The following CSGALNACT1 variants were observed in gnomAD, a reference collection of about 807,000 sequenced individuals.
CSGALNACT1 encodes the protein chondroitin sulfate N-acetylgalactosaminyltransferase 1.
CSGALNACT1 carries 52 observed loss-of-function variants against 51.0 expected under a neutral mutation model. The observed-to-expected ratio is 1.02, with a 90% CI of 0.82 to 1.29. The LOEUF (loss-of-function observed/expected upper bound fraction) is 1.29, where lower values mean the gene tolerates loss of function less well. Among genes scored for constraint, CSGALNACT1 ranks in the 50% most tolerant of loss-of-function variants. The pLI, the probability that CSGALNACT1 is intolerant of heterozygous loss-of-function variation, is 0.00. For synonymous variants in CSGALNACT1, 341 were observed against 254.4 expected, an observed-to-expected ratio of 1.34 and a Z score of -3.24; for missense variants, 935 against 679.2, an observed-to-expected ratio of 1.38 and a Z score of -4.19.
chr8:19,557,867 C>G (rs1037249646), intron 3 of CSGALNACT1, among the ~76,000 whole-genome samples: 3 of 152,208 alleles, frequency 2.0e-5, no homozygotes, highest in Non-Finnish European at 4.4e-5. Context: ...TCAGTACATA[C>G]AACAGTATCT....
At chr8:19,590,676 G>A (rs562541982) in intron 3 of CSGALNACT1, among the ~76,000 whole-genome samples, 367 of 110,408 alleles carry the variant, frequency 3.3e-3, no homozygotes, top group African/African-American at 0.013. Context: ...TGGAGATGGA[G>A]TCTCGCTCTG....
chr8:19,714,805 G>A (rs2062711497), intron 1 of CSGALNACT1, among the ~76,000 whole-genome samples: 1 of 151,594 alleles, frequency 6.6e-6, no homozygotes, highest in African/African-American at 2.4e-5. Context: ...TACGTCTGCA[G>A]GTTTGTTATA....
At chr8:19,582,787 G>A (rs2154123600) in intron 3 of CSGALNACT1, among the ~76,000 whole-genome samples, 1 of 152,254 alleles carries the variant, frequency 6.6e-6, no homozygotes, top group South Asian at 2.1e-4. Context: ...CTAGAAATCA[G>A]TAGCCCCTGT....
intron 1 of CSGALNACT1, among the ~76,000 whole-genome samples, chr8:19,700,385 C>G (rs2061799628): frequency 6.6e-6 from 1 of 151,942 alleles, no homozygotes; most frequent in South Asian, 2.1e-4. Context: ...TAAACCTGGC[C>G]CAGTGATCTT....
rs1391409625 is a variant in CSGALNACT1, at chr8:19,460,887, G to A, written c.635-2245C>T. Among the ~76,000 whole-genome samples, 4 of 152,078 alleles carry A rather than the reference G, an allele frequency of 2.6e-5. No individual in the cohort carries two copies. The East Asian group carries it at 5.8e-4, about 22-fold the overall frequency. ...GCCTCTTTGATCCTGTTCAAAGATTGGATTTCTTTGAGGTGCCACAGAGAG... is the reference window on the plus strand; with the variant it reads ...GCCTCTTTGATCCTGTTCAAAGATTAGATTTCTTTGAGGTGCCACAGAGAG... On this transcript the variant is annotated intron_variant, in intron 4 of 9. Transcript: ENST00000454498.
chr8:19,517,968 T>C (rs2079891572), intron 3 of CSGALNACT1, among the ~76,000 whole-genome samples: 1 of 152,132 alleles, frequency 6.6e-6, no homozygotes, highest in African/African-American at 2.4e-5. Flanking sequence ...CATTCTTCTG[T>C]GCAGGCAGAA....
At chr8:19,404,982 T>C (rs1254063797) in exon 10 of CSGALNACT1, 4 of 453,990 alleles carry the variant, frequency 8.8e-6, no homozygotes, top group Non-Finnish European at 1.3e-5. Flanking sequence ...GCATTTGGCA[T>C]GTCCTTGGAT....
chr8:19,525,615 CAAAAAAAAAAAAAAAAAAAA>C (rs34787475), intron 3 of CSGALNACT1, among the ~76,000 whole-genome samples: 10 of 20,364 alleles, frequency 4.9e-4, no homozygotes, highest in Admixed American at 1.0e-3. Flanking sequence ...AAACTTGTCC[CAAAAAAAAAAAAAAAAAAAA>C]AAAAAAAAAA....
chr8:19,692,369 G>C (rs944670380), intron 1 of CSGALNACT1, among the ~76,000 whole-genome samples: 3 of 152,198 alleles, frequency 2.0e-5, no homozygotes, highest in African/African-American at 7.2e-5. Context: ...CTGAGCTACT[G>C]TCTTAAAGCA....
At chr8:19,589,122 A>G (rs146131330) in intron 3 of CSGALNACT1, among the ~76,000 whole-genome samples, 2 of 152,170 alleles carry the variant, frequency 1.3e-5, no homozygotes, top group African/African-American at 4.8e-5. Flanking sequence ...CATTCTTTCT[A>G]GGATTGTCTA....
intron 1 of CSGALNACT1, among the ~76,000 whole-genome samples, chr8:19,733,158 A>T (rs1484115046): frequency 6.6e-6 from 1 of 152,184 alleles, no homozygotes; most frequent in Non-Finnish European, 1.5e-5. Context: ...GTAACAAAAT[A>T]TTGTTTTCTG....
Position 19,496,816 on chromosome 8 carries a change from T to C in CSGALNACT1, c.634+8385A>G, listed in dbSNP as rs28715327. ...ATGAGTAGGGCAGTGAAGCCCTTTG[T>C]GGTTCCAAGAAGTGGAGCTTCCTTT... On this transcript the variant is annotated intron_variant, in intron 4 of 9. Transcript: ENST00000454498. 1.0e-3 allele frequency among the ~76,000 whole-genome samples: 154 copies of C among 152,286 alleles called. 1 individual carries two copies. The highest frequency in any genetic ancestry group is 1.1e-3 in the Admixed American group (17 of 15,300).
At chr8:19,635,546 C>A in intron 1 of CSGALNACT1, among the ~76,000 whole-genome samples, 1 of 152,286 alleles carries the variant, frequency 6.6e-6, no homozygotes, top group South Asian at 2.1e-4. Context: ...GTTGCCTCCC[C>A]CTTGTCTGTA....
chr8:19,485,204 C>G (rs2072563834), intron 4 of CSGALNACT1, among the ~76,000 whole-genome samples: 1 of 152,138 alleles, frequency 6.6e-6, no homozygotes, highest in Non-Finnish European at 1.5e-5. Context: ...ATACCCCATC[C>G]AGCGTCTTCC....
chr8:19,516,508 C>G (rs903810132), intron 3 of CSGALNACT1, among the ~76,000 whole-genome samples: 3 of 152,140 alleles, frequency 2.0e-5, no homozygotes, highest in Non-Finnish European at 4.4e-5. Context: ...TGAATCACTG[C>G]TTCTCTAGTT....
At chr8:19,526,641 C>T (rs956275687) in intron 3 of CSGALNACT1, among the ~76,000 whole-genome samples, 1 of 151,934 alleles carries the variant, frequency 6.6e-6, no homozygotes, top group African/African-American at 2.4e-5. Flanking sequence ...GCTTATTTGA[C>T]TGATAAAGAT....
intron 4 of CSGALNACT1, among the ~76,000 whole-genome samples, chr8:19,494,317 A>G (rs113235746): frequency 2.6e-4 from 40 of 152,246 alleles, no homozygotes; most frequent in African/African-American, 8.7e-4. Flanking sequence ...CAACACACAC[A>G]CATCTTTGGC....
chr8:19,684,309 T>C (rs924492989), upstream of CSGALNACT1, among the ~76,000 whole-genome samples: 4 of 152,088 alleles, frequency 2.6e-5, no homozygotes, highest in African/African-American at 9.7e-5. Context: ...TTCAAATCAA[T>C]GGGAAAAGGT....
intron 4 of CSGALNACT1, among the ~76,000 whole-genome samples, chr8:19,495,394 AT>A (rs542386660): frequency 4.8e-4 from 73 of 152,362 alleles, no homozygotes; most frequent in Non-Finnish European, 8.7e-4. Context: ...AGACCAGCCC[AT>A]AAAAACCTCT....
Sources: allele counts gnomAD v4.1 joint callset (sites outside exome capture counted in the v4.1 genomes callset), GRCh38; gene constraint gnomAD v4.1.1; transcripts MANE v1.5; gene names NCBI Gene and HGNC (gene_info 2026-07-23, HGNC 2026-07-21).